The following ZFPM2 variants were observed in gnomAD, a reference collection of about 807,000 sequenced individuals.
ZFPM2 encodes zinc finger protein, FOG family member 2, also known as zinc finger protein ZFPM2.
A neutral mutation model predicts 98.6 loss-of-function variants in ZFPM2; 20 were observed. The ratio of observed to expected loss-of-function variants is 0.20; its 90% CI spans 0.14 to 0.29. The LOEUF is 0.29. Among genes scored for constraint, ZFPM2 ranks in the 10% least tolerant of loss-of-function variants. ZFPM2 has a pLI of 1.00. For missense variants in ZFPM2, 1,310 were observed against 1,388.6 expected, an observed-to-expected ratio of 0.94 and a Z score of 0.90; for synonymous variants, 518 against 502.7, an observed-to-expected ratio of 1.03 and a Z score of -0.41.
intron 3 of ZFPM2, among the ~76,000 whole-genome samples, chr8:105,475,347 G>C (rs1812990582): frequency 6.6e-6 from 1 of 152,150 alleles, no homozygotes; most frequent in Non-Finnish European, 1.5e-5. Context: ...AGTTACGTTT[G>C]ACCTAGAAAT....
chr8:105,520,349 A>G (rs1814024777), intron 3 of ZFPM2, among the ~76,000 whole-genome samples: 1 of 152,174 alleles, frequency 6.6e-6, no homozygotes, highest in African/African-American at 2.4e-5. Context: ...GCAGCCTCTT[A>G]AGTACTATGC....
chr8:105,683,170 G>A (rs150480559), intron 5 of ZFPM2, among the ~76,000 whole-genome samples: 518 of 152,000 alleles, frequency 3.4e-3, no homozygotes, highest in Non-Finnish European at 5.3e-3. Context: ...TTACTTTGGG[G>A]GCTAGGATTT....
At chr8:105,626,955 A>G (rs922740258) in intron 4 of ZFPM2, among the ~76,000 whole-genome samples, 6 of 152,160 alleles carry the variant, frequency 3.9e-5, no homozygotes, top group African/African-American at 1.4e-4. Flanking sequence ...GATGTAATGT[A>G]AAAATAAGCT....
chr8:105,702,057 A>G (rs888767250), intron 5 of ZFPM2, among the ~76,000 whole-genome samples: 3 of 152,360 alleles, frequency 2.0e-5, no homozygotes, highest in African/African-American at 7.2e-5. Context: ...TGGTTATCAA[A>G]TCACAGCTGT....
At chr8:105,681,816 T>C (rs1363060576) in intron 5 of ZFPM2, among the ~76,000 whole-genome samples, 1 of 152,148 alleles carries the variant, frequency 6.6e-6, no homozygotes, top group Non-Finnish European at 1.5e-5. Context: ...ATAATTACTC[T>C]CTTGTGTGTG....
chr8:105,671,416 A>G (rs1208842305), intron 5 of ZFPM2, among the ~76,000 whole-genome samples: 1 of 151,882 alleles, frequency 6.6e-6, no homozygotes, highest in African/African-American at 2.4e-5. Flanking sequence ...AATTTAAACT[A>G]ATAATTATTC....
chr8:105,608,603 T>TA (rs1554621379), intron 4 of ZFPM2, among the ~76,000 whole-genome samples: 2 of 147,774 alleles, frequency 1.4e-5, no homozygotes, highest in Non-Finnish European at 3.0e-5. Context: ...TTTTTTTTTT[T>TA]AATCAGTGAG....
intron 2 of ZFPM2, among the ~76,000 whole-genome samples, chr8:105,443,170 G>A (rs1313944871): frequency 1.3e-5 from 2 of 151,780 alleles, no homozygotes; most frequent in Admixed American, 6.6e-5. Context: ...TTAGCCGGGC[G>A]TGGTGGCAGG....
At chr8:105,676,737 TTAAAAA>T (rs1278469278) in intron 5 of ZFPM2, among the ~76,000 whole-genome samples, 2 of 151,992 alleles carry the variant, frequency 1.3e-5, no homozygotes, top group East Asian at 3.9e-4. Context: ...ATTTAATAAA[TTAAAAA>T]TAAAGGGAAA....
At chr8:105,418,445 A>G (rs1811723679) in intron 1 of ZFPM2, 2 of 440,460 alleles carry the variant, frequency 4.5e-6, no homozygotes, top group Non-Finnish European at 8.9e-6. Flanking sequence ...CCATTAATGT[A>G]GCGCACCTCA....
chr8:105,712,502 C>G (rs1469779170), intron 5 of ZFPM2, among the ~76,000 whole-genome samples: 1 of 151,322 alleles, frequency 6.6e-6, no homozygotes, highest in Admixed American at 6.6e-5. Flanking sequence ...ATCTTACCAG[C>G]TTGTAAGAGC....
At chr8:105,672,228 TTATTC>T (rs1224240606) in intron 5 of ZFPM2, among the ~76,000 whole-genome samples, 11 of 151,986 alleles carry the variant, frequency 7.2e-5, no homozygotes, top group Middle Eastern at 3.6e-3. Context: ...TTTTATCTGT[TTATTC>T]TATTAGGTAA....
At chr8:105,322,037 C>G (rs1404787223) in intron 1 of ZFPM2, among the ~76,000 whole-genome samples, 1 of 152,026 alleles carries the variant, frequency 6.6e-6, no homozygotes, top group African/African-American at 2.4e-5. Context: ...ATTTTCTGCC[C>G]TCCCCTCAGA....
In ZFPM2 at chr8:105,800,265, T is replaced by C. The variant is rs565298625; in HGVS notation, c.965-782T>C. ...CAGAGGGGATAAGCCAAGCCTGATT[T>C]TACCATATGCTGACCAATGGGAGCT... On this transcript the variant is annotated intron_variant, in intron 7 of 7. Transcript: ENST00000407775. Among the ~76,000 whole-genome samples, 15 of 152,268 alleles carry C rather than the reference T, an allele frequency of 9.9e-5. No homozygotes were observed. The East Asian group carries it at 2.7e-3, about 27-fold the overall frequency.
At chr8:105,491,621 G>A (rs1163783524) in intron 3 of ZFPM2, among the ~76,000 whole-genome samples, 2 of 152,118 alleles carry the variant, frequency 1.3e-5, no homozygotes, top group Middle Eastern at 3.2e-3. Flanking sequence ...CTTCACAAGA[G>A]CAAGATGAAT....
At chr8:105,692,041 A>G (rs1446345218) in intron 5 of ZFPM2, among the ~76,000 whole-genome samples, 8 of 152,256 alleles carry the variant, frequency 5.3e-5, no homozygotes, top group Admixed American at 5.2e-4. Flanking sequence ...TTGATTCTGT[A>G]CAAGTCATGC....
chr8:105,413,637 G>A (rs1466005353), intron 1 of ZFPM2, among the ~76,000 whole-genome samples: 1 of 151,290 alleles, frequency 6.6e-6, no homozygotes, highest in East Asian at 1.9e-4. Flanking sequence ...CCATTCCTTT[G>A]TGTGAGTTGG....
At chr8:105,711,902 G>A (rs1811410239) in intron 5 of ZFPM2, among the ~76,000 whole-genome samples, 1 of 151,966 alleles carries the variant, frequency 6.6e-6, no homozygotes, top group Non-Finnish European at 1.5e-5. Context: ...TCTTTCTATG[G>A]TTTTATATAT....
Position 105,645,705 on chromosome 8 carries a change from G to A in ZFPM2, c.532+11348G>A, listed in dbSNP as rs1216113187. Among the ~76,000 whole-genome samples, 8 of 152,280 alleles carry A rather than the reference G, an allele frequency of 5.3e-5. No homozygotes were observed. The East Asian group carries it at 1.5e-3, about 29-fold the overall frequency. On this transcript the variant is annotated intron_variant, in intron 5 of 7. Coordinates refer to ENST00000407775, the MANE Select transcript of ZFPM2 (RefSeq NM_012082.4). Reference sequence around the variant, plus strand: ...TTGAGGGTGGGAAGAATAAGACAGGGATTTATGCTGATCGAGGTGGTGAAA... The same window carrying A: ...TTGAGGGTGGGAAGAATAAGACAGGAATTTATGCTGATCGAGGTGGTGAAA...
Sources: allele counts gnomAD v4.1 joint callset (sites outside exome capture counted in the v4.1 genomes callset), GRCh38; gene constraint gnomAD v4.1.1; transcripts MANE v1.5; gene names NCBI Gene and HGNC (gene_info 2026-07-23, HGNC 2026-07-21).